The following CYP3A5 variants were observed in gnomAD, a reference collection of about 807,000 sequenced individuals.
The protein encoded by CYP3A5 is cytochrome P450 family 3 subfamily A member 5.
In CYP3A5, 51 loss-of-function variants were observed where a neutral mutation model predicts 55.9. The observed-to-expected ratio is 0.91, with a 90% CI of 0.73 to 1.15. The LOEUF (loss-of-function observed/expected upper bound fraction) is 1.15, where lower values mean the gene tolerates loss of function less well. CYP3A5 is among the 50% of genes most tolerant of loss of function. The pLI is 0.00. For synonymous variants in CYP3A5, 196 were observed against 213.9 expected (o/e 0.92, Z 0.73); for missense variants, 533 against 596.6 (o/e 0.89, Z 1.11).
intron 9 of CYP3A5, 45 bp from the exon 10 acceptor site, chr7:99,660,704 C>T (rs1196937260): frequency 6.2e-7 from 1 of 1,602,094 alleles, no homozygotes; most frequent in Middle Eastern, 1.7e-4. Context: ...GGTCAACGTA[C>T]AACATCACAG....
chr7:99,663,185 A>G, intron 8 of CYP3A5: 1 of 1,127,922 alleles, frequency 8.9e-7, no homozygotes, highest in Non-Finnish European at 1.1e-6. Context: ...TGCCGGTTCC[A>G]TCTCTGGTCA....
At position 99,653,798 on chromosome 7, in the gene CYP3A5, T is replaced by A. The variant is rs944056572; in HGVS notation, c.1027-1019A>T. 6.6e-6 allele frequency among the ~76,000 whole-genome samples: 1 copy of A among 152,184 alleles called. No individual in the cohort carries two copies. The highest frequency in any genetic ancestry group is 2.4e-5 in the African/African-American group (1 of 41,448). ...AGAAGTCTGAAAACTGTGGATGATA[T>A]GTACCTAGCACTTGGTGTTATATTT... On this transcript the variant is annotated intron_variant, in intron 10 of 12. Coordinates refer to ENST00000222982, the MANE Select transcript of CYP3A5 (RefSeq NM_000777.5). This position sits in a 1 kb window ranked among gnomAD's most constrained non-coding sequence, Gnocchi z 4.2.
In CYP3A5 at chr7:99,673,232, C is replaced by T. The variant is rs41301664; in HGVS notation, c.219-553G>A. Among the ~76,000 whole-genome samples the T allele has an allele frequency of 3.3e-3, 508 of 152,226 alleles. 2 individuals carry two copies. Among genetic ancestry groups the T allele is most frequent in the African/African-American group, 0.011 (476 of 41,544 alleles). ...CAGCTCCACAGCACTCCACAGTCAGCGCTGTGGATTCTGAGGACTTGAGGG... is the reference window on the plus strand; with the variant it reads ...CAGCTCCACAGCACTCCACAGTCAGTGCTGTGGATTCTGAGGACTTGAGGG... On this transcript the variant is annotated intron_variant, in intron 3 of 12. Transcript: ENST00000222982.
chr7:99,663,331 C>T, intron 8 of CYP3A5: 1 of 995,012 alleles, frequency 1.0e-6, no homozygotes, highest in African/African-American at 1.7e-5. Context: ...TCAAATATTC[C>T]AACATTCTCA....
intron 10 of CYP3A5, chr7:99,659,080 C>G (rs1183692082): frequency 6.6e-6 from 1 of 152,250 alleles, no homozygotes; most frequent in Non-Finnish European, 1.5e-5. Context: ...CTTCTCTCAA[C>G]TCGTCAAAGT....
chr7:99,669,996 G>A (rs530073389), intron 4 of CYP3A5, among the ~76,000 whole-genome samples: 9 of 152,186 alleles, frequency 5.9e-5, no homozygotes, highest in Admixed American at 1.3e-4. Context: ...AGTAGATAAC[G>A]TCATGCAAAT....
chr7:99,670,332 A>G (rs896298635), intron 4 of CYP3A5, among the ~76,000 whole-genome samples: 2 of 152,228 alleles, frequency 1.3e-5, no homozygotes, highest in African/African-American at 2.4e-5. Flanking sequence ...GTTTCAAACC[A>G]TAACAGCATT....
chr7:99,652,065 A>C (rs1173303352), intron 11 of CYP3A5, among the ~76,000 whole-genome samples: 1 of 152,138 alleles, frequency 6.6e-6, no homozygotes, highest in East Asian at 1.9e-4. Context: ...AAATTCAGAG[A>C]GCTAAAGGGC....
At chr7:99,676,084 A>C in intron 2 of CYP3A5, 31 bp downstream of exon 2, 2 of 1,585,170 alleles carry the variant, frequency 1.3e-6, no homozygotes, top group Non-Finnish European at 1.7e-6. Context: ...TGCAACCATA[A>C]GAAGCAAAAG....
intron 2 of CYP3A5, among the ~76,000 whole-genome samples, chr7:99,675,549 C>T (rs902216264): frequency 1.3e-5 from 2 of 151,254 alleles, no homozygotes; most frequent in Non-Finnish European, 2.9e-5. Context: ...TGTGACTTTC[C>T]CTCCAGGGGT....
rs769904092 is a variant in CYP3A5 at position 99,667,069 on chromosome 7, G to C, written c.319-4C>G. The C allele has an allele frequency of 6.2e-7, 1 of 1,609,102 alleles. No individual in the cohort carries two copies. The highest frequency in any genetic ancestry group is 1.1e-5 in the South Asian group (1 of 90,276). On this transcript the variant is annotated splice_region_variant and splice_polypyrimidine_tract_variant and intron_variant, in intron 4 of 12. Coordinates refer to ENST00000222982, the MANE Select transcript of CYP3A5 (RefSeq NM_000777.5). ...TAAATCCCACTGGGCCTAAAGACTAGAGTTCAACAGAAACATTTTTTCTCA... is the reference window on the plus strand; with the variant it reads ...TAAATCCCACTGGGCCTAAAGACTACAGTTCAACAGAAACATTTTTTCTCA...
intron 4 of CYP3A5, chr7:99,671,402 C>T (rs1811619681): frequency 5.9e-6 from 1 of 170,032 alleles, no homozygotes; most frequent in Non-Finnish European, 1.3e-5. Flanking sequence ...TACTGTACAG[C>T]TACTAGAGTC....
chr7:99,657,207 C>G (rs1346560509), intron 10 of CYP3A5, among the ~76,000 whole-genome samples: 1 of 152,198 alleles, frequency 6.6e-6, no homozygotes, highest in Non-Finnish European at 1.5e-5. Context: ...CCTGCTTTCT[C>G]TTGTAGGCAT....
At chr7:99,657,263 A>G (rs1418347709) in intron 10 of CYP3A5, among the ~76,000 whole-genome samples, 4 of 152,202 alleles carry the variant, frequency 2.6e-5, no homozygotes, top group Non-Finnish European at 5.9e-5. Context: ...AATGTGGCCC[A>G]GAGATTCTGG....
chr7:99,650,599 G>C (rs752913364), intron 11 of CYP3A5, among the ~76,000 whole-genome samples: 11 of 152,212 alleles, frequency 7.2e-5, no homozygotes, highest in Admixed American at 1.3e-4. Flanking sequence ...ACTCACACTT[G>C]TGTTGGTCAC....
At chr7:99,672,039 G>GT (rs1330404735) in intron 4 of CYP3A5, among the ~76,000 whole-genome samples, 1 of 151,870 alleles carries the variant, frequency 6.6e-6, no homozygotes, top group East Asian at 1.9e-4. Context: ...CAGTTTGCCG[G>GT]TTTTTGTTGT....
At chr7:99,648,598 G>A (rs935738812) in intron 12 of CYP3A5, among the ~76,000 whole-genome samples, 198 bp from the exon 13 acceptor site, 7 of 151,488 alleles carry the variant, frequency 4.6e-5, no homozygotes, top group African/African-American at 1.7e-4. Flanking sequence ...ACCATCCATC[G>A]TTTAACAAAA....
At chr7:99,663,625 A>G (rs948933995) in intron 8 of CYP3A5, 83 of 1,002,118 alleles carry the variant, frequency 8.3e-5, no homozygotes, top group Middle Eastern at 5.0e-4. Flanking sequence ...AATCTGTGAT[A>G]TGAGGAAAGC....
At chr7:99,659,500 C>T (rs567086620) in intron 10 of CYP3A5, 1 of 154,396 alleles carries the variant, frequency 6.5e-6, no homozygotes, top group East Asian at 1.9e-4. Context: ...GGGGTGCCTC[C>T]CAGTTAGGCT....
Sources: allele counts gnomAD v4.1 joint callset (sites outside exome capture counted in the v4.1 genomes callset), GRCh38; gene constraint gnomAD v4.1.1; non-coding constraint Gnocchi (gnomAD v3.1); transcripts MANE v1.5; gene names NCBI Gene and HGNC (gene_info 2026-07-23, HGNC 2026-07-21).